Variants in NGLY1 observed in about 807,000 individuals in gnomAD.
NGLY1 encodes N-glycanase 1, also known as peptide-N(4)-(N-acetyl-beta-glucosaminyl)asparagine amidase.
NGLY1 carries 68 observed loss-of-function variants against 84.6 expected under a neutral mutation model. The observed-to-expected ratio is 0.80, with a 90% CI of 0.66 to 0.98. The LOEUF (loss-of-function observed/expected upper bound fraction) is 0.98. Among genes scored for constraint, NGLY1 ranks in the 50% least tolerant of loss-of-function variants. The pLI is 0.00. For missense variants in NGLY1, 779 were observed against 770.2 expected, an observed-to-expected ratio of 1.01 and a Z score of -0.14; for synonymous variants, 280 against 275.2, an observed-to-expected ratio of 1.02 and a Z score of -0.17.
intron 4 of NGLY1, among the ~76,000 whole-genome samples, chr3:25,747,173 G>C (rs922673356): frequency 1.3e-5 from 2 of 152,148 alleles, no homozygotes; most frequent in Admixed American, 6.5e-5. Flanking sequence ...TTAAGGCAAG[G>C]CTATATTATT....
rs555505524 is a variant in NGLY1 at position 25,769,507 on chromosome 3, A to G, written c.247-5196T>C. Among the ~76,000 whole-genome samples, 16 of 152,366 alleles carry G rather than the reference A, an allele frequency of 1.1e-4. No homozygotes were observed. The South Asian group carries it at 3.3e-3, about 32-fold the overall frequency. ...AGGAAAATCAAAACCACAATGAGAT[A>G]TTATCTTACTCCAGTTAAAATAGCT... On this transcript the variant is annotated intron_variant, in intron 2 of 11. Coordinates refer to ENST00000280700, the MANE Select transcript of NGLY1 (RefSeq NM_018297.4).
chr3:25,768,454 T>C (rs907410569), intron 2 of NGLY1, among the ~76,000 whole-genome samples: 15 of 150,946 alleles, frequency 9.9e-5, no homozygotes, highest in South Asian at 6.2e-4. Context: ...GATTAGAGAC[T>C]TAAGTGTAAG....
At chr3:25,755,524 T>C (rs1210845687) in intron 3 of NGLY1, 3 of 1,432,650 alleles carry the variant, frequency 2.1e-6, no homozygotes, top group East Asian at 2.3e-5. Flanking sequence ...GTTCCTGCAA[T>C]AACTGCAGTT....
chr3:25,765,275 C>T (rs902447604), intron 2 of NGLY1, among the ~76,000 whole-genome samples: 9 of 151,946 alleles, frequency 5.9e-5, no homozygotes, highest in Non-Finnish European at 1.2e-4. Flanking sequence ...GCCTGGTCAA[C>T]ATGGCAAAAC....
chr3:25,749,359 T>A (rs1459365042), intron 4 of NGLY1: 1 of 589,116 alleles, frequency 1.7e-6, no homozygotes, highest in Admixed American at 3.1e-5. Flanking sequence ...TATCCATGAA[T>A]AAATGAATAA....
intron 3 of NGLY1, among the ~76,000 whole-genome samples, chr3:25,762,144 T>C (rs1206145883): frequency 6.6e-6 from 1 of 152,016 alleles, no homozygotes; most frequent in Admixed American, 6.6e-5. Flanking sequence ...TTACTTGATA[T>C]AGTTTTAACC....
intron 3 of NGLY1, among the ~76,000 whole-genome samples, chr3:25,760,499 G>C (rs1474815304): frequency 2.0e-5 from 3 of 152,230 alleles, no homozygotes; most frequent in Middle Eastern, 6.8e-3. Context: ...ACTTTTAAGA[G>C]TGGTAGGTTC....
chr3:25,739,883 C>T, intron 4 of NGLY1, 84 bp from the exon 5 acceptor site: 2 of 1,004,622 alleles, frequency 2.0e-6, no homozygotes, highest in Non-Finnish European at 2.9e-6. Context: ...AAATACGAAC[C>T]TGAAAAATAT....
At chr3:25,765,258 G>A (rs1207256580) in intron 2 of NGLY1, among the ~76,000 whole-genome samples, 1 of 152,030 alleles carries the variant, frequency 6.6e-6, no homozygotes, top group Non-Finnish European at 1.5e-5. Context: ...TCAGGGGTTC[G>A]AGACCAGCCT....
intron 3 of NGLY1, chr3:25,754,788 C>CTTTTTTT (rs5847371): frequency 3.8e-6 from 1 of 265,920 alleles, no homozygotes; most frequent in Non-Finnish European, 7.1e-6. Flanking sequence ...ATGACTCGTG[C>CTTTTTTT]TTTTTTTTTT....
chr3:25,767,454 C>T (rs1426125706), intron 2 of NGLY1, among the ~76,000 whole-genome samples: 1 of 152,104 alleles, frequency 6.6e-6, no homozygotes, highest in African/African-American at 2.4e-5. Flanking sequence ...CCAAACTGCC[C>T]TAGCAAATTT....
At chr3:25,755,022 C>A in intron 3 of NGLY1, 1 of 979,162 alleles carries the variant, frequency 1.0e-6, no homozygotes, top group Non-Finnish European at 1.7e-6. Flanking sequence ...GACTACAAAC[C>A]AAAGGTTATA....
chr3:25,782,982 G>C (rs937799252), intron 1 of NGLY1: 2 of 383,458 alleles, frequency 5.2e-6, no homozygotes, highest in Non-Finnish European at 9.5e-6. Flanking sequence ...GCCCGGCCCC[G>C]CTTCCGGGAC....
intron 2 of NGLY1, among the ~76,000 whole-genome samples, chr3:25,772,875 C>T (rs188598021): frequency 5.9e-4 from 90 of 152,180 alleles, no homozygotes; most frequent in African/African-American, 2.0e-3. Context: ...ACTATCTTTC[C>T]TTCATTTATG....
intron 10 of NGLY1, among the ~76,000 whole-genome samples, chr3:25,725,896 AC>A (rs1705231069): frequency 6.6e-6 from 1 of 151,974 alleles, no homozygotes; most frequent in Admixed American, 6.6e-5. Flanking sequence ...TCTACCATTT[AC>A]CCCCATTAAT....
chr3:25,750,222 A>C (rs756309912), intron 4 of NGLY1, among the ~76,000 whole-genome samples: 1 of 152,150 alleles, frequency 6.6e-6, no homozygotes, highest in Non-Finnish European at 1.5e-5. Flanking sequence ...CATTATTATG[A>C]GAGCAGCATC....
chr3:25,755,201 G>A, intron 3 of NGLY1: 1 of 1,357,478 alleles, frequency 7.4e-7, no homozygotes. Context: ...TTTCTTACTG[G>A]ATATTGCAAG....
upstream of NGLY1, among the ~76,000 whole-genome samples, chr3:25,785,078 T>C (rs1233558750): frequency 1.5e-5 from 2 of 137,040 alleles, no homozygotes; most frequent in Non-Finnish European, 3.0e-5. Flanking sequence ...TGAAAATAAA[T>C]GGGCATGGTT....
chr3:25,755,195 T>C, intron 3 of NGLY1: 3 of 1,342,882 alleles, frequency 2.2e-6, no homozygotes, highest in Middle Eastern at 2.3e-4. Context: ...AAGAGGTTTC[T>C]TACTGGATAT....
Sources: gnomAD v4.1 joint callset for allele counts (sites outside exome capture counted in the v4.1 genomes callset) on GRCh38, gnomAD v4.1.1 for gene constraint, MANE v1.5 for transcripts, NCBI Gene and HGNC (gene_info 2026-07-23, HGNC 2026-07-21) for gene names.